Variants in MFHAS1 observed in about 807,000 individuals in gnomAD.
MFHAS1 encodes malignant fibrous histiocytoma-amplified sequence 1.
In MFHAS1, 50 loss-of-function variants were observed where a neutral mutation model predicts 70.4. The ratio of observed to expected loss-of-function variants is 0.71; its 90% CI spans 0.57 to 0.90. The LOEUF is 0.90. MFHAS1 is among the 40% of genes least tolerant of loss of function. MFHAS1 has a pLI of 0.00. For missense variants in MFHAS1, 1,795 were observed against 1,347.6 expected (o/e 1.33, Z -5.20); for synonymous variants, 952 against 620.0 (o/e 1.54, Z -7.96).
intron 1 of MFHAS1, among the ~76,000 whole-genome samples, chr8:8,864,520 A>G (rs537794629): frequency 8.7e-4 from 133 of 152,262 alleles, no homozygotes; most frequent in Non-Finnish European, 1.4e-3. Context: ...TGTTTCAGAC[A>G]AGTCAAAATG....
chr8:8,793,947 G>A (rs540483030), intron 2 of MFHAS1, among the ~76,000 whole-genome samples: 33 of 152,222 alleles, frequency 2.2e-4, no homozygotes, highest in African/African-American at 6.3e-4. Flanking sequence ...CAGCATTTTC[G>A]GAGGCTGAGG....
intron 1 of MFHAS1, among the ~76,000 whole-genome samples, chr8:8,874,763 G>A (rs1809226039): frequency 1.3e-5 from 2 of 151,878 alleles, no homozygotes; most frequent in Non-Finnish European, 2.9e-5. Flanking sequence ...TTAATATACT[G>A]AATGAAATTT....
chr8:8,872,251 G>T (rs907183), intron 1 of MFHAS1, among the ~76,000 whole-genome samples: 1 of 152,034 alleles, frequency 6.6e-6, no homozygotes, highest in East Asian at 1.9e-4. Context: ...TAACAAAGAG[G>T]AATGTACACC....
intron 1 of MFHAS1, among the ~76,000 whole-genome samples, chr8:8,882,807 A>T (rs1285924141): frequency 2.0e-5 from 3 of 152,126 alleles, no homozygotes; most frequent in African/African-American, 4.8e-5. Flanking sequence ...GCCAGCCCCC[A>T]GAAGAAGGTA....
rs749965436 is a variant in MFHAS1 at position 8,797,380 on chromosome 8, A to G, written c.3110T>C (p.Ile1037Thr). 2 of 1,614,080 alleles carry G rather than the reference A, an allele frequency of 1.2e-6. No homozygotes were observed. The highest frequency in any genetic ancestry group is 1.7e-6 in the Non-Finnish European group (2 of 1,180,002). The change falls in exon 2 of 3, where the codon ATC (isoleucine) becomes ACC (threonine). Residue 1037 changes from isoleucine to threonine, a missense_variant. Coordinates refer to ENST00000276282, the MANE Select transcript of MFHAS1 (RefSeq NM_004225.3). The part of the protein sequence containing the change: ...ALVYPPTPTV[I>T]SPCSKKNVGE... ...GAGAACTCACTTGGAACAGGGGCTG[A>G]TCACAGTCGGCGTGGGTGGGTAAAC... is the stretch of plus-strand genomic sequence containing the variant.
chr8:8,861,009 T>C (rs773180968), intron 1 of MFHAS1, among the ~76,000 whole-genome samples: 2 of 152,236 alleles, frequency 1.3e-5, no homozygotes, highest in Non-Finnish European at 2.9e-5. Flanking sequence ...CAGTCCCTAT[T>C]AGCGATTATG....
intron 1 of MFHAS1, among the ~76,000 whole-genome samples, chr8:8,850,524 A>T (rs1808203501): frequency 6.6e-6 from 1 of 152,212 alleles, no homozygotes; most frequent in African/African-American, 2.4e-5. Flanking sequence ...CCAAAGCCAC[A>T]GAGTTTATTA....
chr8:8,862,229 G>T (rs892984777), intron 1 of MFHAS1, among the ~76,000 whole-genome samples: 9 of 152,064 alleles, frequency 5.9e-5, no homozygotes, highest in Non-Finnish European at 1.2e-4. Flanking sequence ...CCACTCTAGG[G>T]AACATGCACT....
chr8:8,797,472 G>A lies in MFHAS1; in HGVS notation c.3018C>T (p.Pro1006=), dbSNP rs141053249. The A allele has an allele frequency of 1.2e-6, 2 of 1,613,938 alleles. No individual in the cohort carries two copies. The highest frequency in any genetic ancestry group is 1.7e-6 in the Non-Finnish European group (2 of 1,179,892). The change falls in exon 2 of 3, where the codon CCC becomes CCT. Residue 1006 remains proline (P), a synonymous_variant. Coordinates refer to ENST00000276282, the MANE Select transcript of MFHAS1 (RefSeq NM_004225.3). ...HAFPGELLSQ[P]RPEGVAEIIC... ...TGATCTCTGCCACTCCTTCCGGTCT[G>A]GGCTGACTCAGCAACTCCCCTGTAG...
At chr8:8,805,589 G>C (rs972957316) in intron 1 of MFHAS1, among the ~76,000 whole-genome samples, 1 of 152,194 alleles carries the variant, frequency 6.6e-6, no homozygotes, top group Non-Finnish European at 1.5e-5. Flanking sequence ...GGCAGAAGTG[G>C]AAGAAAATCC....
chr8:8,864,919 T>C (rs766048216), intron 1 of MFHAS1, among the ~76,000 whole-genome samples: 6 of 152,174 alleles, frequency 3.9e-5, no homozygotes, highest in Non-Finnish European at 7.3e-5. Flanking sequence ...GCTTTAGGTA[T>C]GAACCACATA....
intron 1 of MFHAS1, among the ~76,000 whole-genome samples, chr8:8,881,621 G>A (rs1269411511): frequency 6.6e-6 from 1 of 152,200 alleles, no homozygotes; most frequent in Non-Finnish European, 1.5e-5. Context: ...ATCACCTGAG[G>A]TCAGGAGTTT....
chr8:8,839,862 A>G (rs1261911124), intron 1 of MFHAS1, among the ~76,000 whole-genome samples: 6 of 152,356 alleles, frequency 3.9e-5, no homozygotes, highest in Admixed American at 6.5e-5. Flanking sequence ...TGGAAGATCC[A>G]GAACCTACCA....
At chr8:8,792,638 A>C (rs1179567436) in intron 2 of MFHAS1, among the ~76,000 whole-genome samples, 3 of 152,118 alleles carry the variant, frequency 2.0e-5, no homozygotes, top group African/African-American at 7.2e-5. Context: ...ACCAAAAAAA[A>C]CTTACTGACT....
chr8:8,794,223 G>C (rs11781430), intron 2 of MFHAS1, among the ~76,000 whole-genome samples: 47,624 of 151,792 alleles, frequency 0.31, 8,518 homozygotes, highest in African/African-American at 0.47. Context: ...CCTCTATGGT[G>C]ACCTGCTTAA....
rs7829137 is a variant in MFHAS1 at position 8,879,953 on chromosome 8, A to T, written c.2998+10108T>A. On this transcript the variant is annotated intron_variant, in intron 1 of 2. Transcript: ENST00000276282. ...AGTCATTCCAGGAGTTAAACTTAAA[A>T]TTTATCTTTAAAAAAAAGCTCTATG... 8.4e-3 allele frequency among the ~76,000 whole-genome samples: 1,285 copies of T among 152,326 alleles called. 26 individuals are homozygous for T. Among genetic ancestry groups the T allele is most frequent in the African/African-American group, 0.029 (1,193 of 41,566 alleles).
chr8:8,832,604 T>C (rs35654766), intron 1 of MFHAS1, among the ~76,000 whole-genome samples: 36,003 of 149,938 alleles, frequency 0.24, 5,534 homozygotes, highest in Non-Finnish European at 0.36. Flanking sequence ...CTGATGAACA[T>C]GTGATGCAAC....
chr8:8,810,182 C>A (rs983465812), intron 1 of MFHAS1, among the ~76,000 whole-genome samples: 2 of 152,192 alleles, frequency 1.3e-5, no homozygotes, highest in Admixed American at 6.5e-5. Flanking sequence ...GCCTGGCCGA[C>A]ATGGTAAAAC....
chr8:8,883,690 AG>A (rs2116934336), intron 1 of MFHAS1, among the ~76,000 whole-genome samples: 1 of 133,944 alleles, frequency 7.5e-6, no homozygotes, highest in Non-Finnish European at 1.6e-5. Context: ...CCTGGGCAAC[AG>A]AGCGAGACTC....
Sources: allele counts gnomAD v4.1 joint callset (sites outside exome capture counted in the v4.1 genomes callset), GRCh38; gene constraint gnomAD v4.1.1; transcripts MANE v1.5; gene names NCBI Gene and HGNC (gene_info 2026-07-23, HGNC 2026-07-21).